CTNNA3: variants seen among roughly 807,000 people sequenced by gnomAD.
The protein encoded by CTNNA3 is catenin alpha-3.
A neutral mutation model predicts 95.7 loss-of-function variants in CTNNA3; 76 were observed. The observed-to-expected ratio is 0.79, with a 90% CI of 0.66 to 0.96. The LOEUF (loss-of-function observed/expected upper bound fraction) is 0.96, where lower values mean the gene tolerates loss of function less well. Among genes scored for constraint, CTNNA3 ranks in the 40% least tolerant of loss-of-function variants. CTNNA3 has a pLI of 0.00. For missense variants in CTNNA3, 1,191 were observed against 1,089.8 expected (o/e 1.09, Z -1.31); for synonymous variants, 431 against 374.4 (o/e 1.15, Z -1.74).
chr10:66,025,191 G>A (rs1194246931), intron 15 of CTNNA3, among the ~76,000 whole-genome samples: 1 of 152,208 alleles, frequency 6.6e-6, no homozygotes, highest in Non-Finnish European at 1.5e-5. Flanking sequence ...AGAGTGAACT[G>A]GAGAAGCTCT....
At chr10:66,571,403 T>TAAA (rs1249299324) in intron 10 of CTNNA3, among the ~76,000 whole-genome samples, 1 of 152,186 alleles carries the variant, frequency 6.6e-6, no homozygotes, top group Non-Finnish European at 1.5e-5. Context: ...TTTCACTTGG[T>TAAA]CTACATAATA....
Position 65,988,834 on chromosome 10 carries a change from A to C in CTNNA3, c.2160-37T>G, listed in dbSNP as rs764408326. ...TTTATATATGTTAGCTGTGGTGTTC[A>C]TGAGAAAATATATGTTAGCTACGAT... is the stretch of plus-strand genomic sequence containing the variant. On this transcript the variant is annotated intron_variant, in intron 15 of 17. Transcript: ENST00000433211. The C allele has an allele frequency of 6.3e-6, 9 of 1,431,938 alleles. 1 individual carries two copies. The highest frequency in any genetic ancestry group is 1.8e-4 in the Middle Eastern group (1 of 5,674). 88.7% of individuals were successfully genotyped at this position (1,431,938 alleles called of 1,614,324 possible). A position where few individuals can be genotyped will look rare whatever the true frequency, so the allele number is the denominator to read the frequency against.
intron 15 of CTNNA3, among the ~76,000 whole-genome samples, chr10:66,041,116 G>T (rs1300969617): frequency 1.3e-5 from 2 of 152,104 alleles, no homozygotes; most frequent in Admixed American, 6.6e-5. Flanking sequence ...AGGCTGAGAA[G>T]GTTATATCAC....
chr10:67,503,261 C>A (rs1051593499), intron 5 of CTNNA3, among the ~76,000 whole-genome samples: 1 of 152,160 alleles, frequency 6.6e-6, no homozygotes, highest in Non-Finnish European at 1.5e-5. Flanking sequence ...TGAAGCAATG[C>A]CCCACCCTGC....
chr10:67,573,029 C>T (rs188389036), intron 3 of CTNNA3, among the ~76,000 whole-genome samples: 31 of 152,258 alleles, frequency 2.0e-4, no homozygotes, highest in African/African-American at 7.0e-4. Flanking sequence ...GTTGAGGCTG[C>T]AGTGAGCCGT....
intron 11 of CTNNA3, among the ~76,000 whole-genome samples, chr10:66,457,053 C>G (rs2093499389): frequency 6.6e-6 from 1 of 151,988 alleles, no homozygotes; most frequent in Admixed American, 6.6e-5. Flanking sequence ...TTGATTGTAC[C>G]ACCCCACTCC....
intron 17 of CTNNA3, among the ~76,000 whole-genome samples, chr10:65,955,723 T>A (rs534727052): frequency 2.3e-4 from 35 of 152,308 alleles, no homozygotes; most frequent in African/African-American, 8.2e-4. Context: ...CAGCGTTTCA[T>A]CCCAGGGATG....
In CTNNA3 at chr10:66,862,226, A is replaced by G. The variant is rs189154374; in HGVS notation, c.1048-86702T>C. Among the ~76,000 whole-genome samples the G allele has an allele frequency of 2.1e-3, 324 of 152,256 alleles. 1 individual carries two copies. The highest frequency in any genetic ancestry group is 7.6e-3 in the African/African-American group (316 of 41,544). On this transcript the variant is annotated intron_variant, in intron 7 of 17. Coordinates refer to ENST00000433211, the MANE Select transcript of CTNNA3 (RefSeq NM_013266.4). Reference sequence around the variant, plus strand: ...GAGACACTGTCTCAAAAAGAAAAAAACAAAAAGAAGTTTGGTGATGTTTTT... The same window carrying G: ...GAGACACTGTCTCAAAAAGAAAAAAGCAAAAAGAAGTTTGGTGATGTTTTT...
intron 7 of CTNNA3, among the ~76,000 whole-genome samples, chr10:67,037,742 A>T (rs1016204481): frequency 6.6e-6 from 1 of 152,190 alleles, no homozygotes; most frequent in African/African-American, 2.4e-5. Context: ...TGAGAGGAGG[A>T]GGAATCAAGA....
At chr10:66,129,751 C>T (rs1049810311) in intron 13 of CTNNA3, among the ~76,000 whole-genome samples, 1 of 152,010 alleles carries the variant, frequency 6.6e-6, no homozygotes, top group African/African-American at 2.4e-5. Context: ...CAGAGTGGCC[C>T]CCAAGACACA....
At chr10:67,532,514 T>C (rs933828831) in intron 4 of CTNNA3, among the ~76,000 whole-genome samples, 3 of 152,246 alleles carry the variant, frequency 2.0e-5, no homozygotes, top group East Asian at 1.9e-4. Context: ...ACCCATTTCC[T>C]GTAAGACACT....
chr10:67,296,976 G>T (rs1840064827), intron 5 of CTNNA3, among the ~76,000 whole-genome samples: 1 of 142,722 alleles, frequency 7.0e-6, no homozygotes, highest in Admixed American at 6.9e-5. Flanking sequence ...TTCAGTGCTG[G>T]TCCCTGATCC....
chr10:67,273,279 C>T (rs1839058847), intron 5 of CTNNA3, among the ~76,000 whole-genome samples: 2 of 152,050 alleles, frequency 1.3e-5, no homozygotes, highest in African/African-American at 4.8e-5. Context: ...AATAATAAGA[C>T]AAACAACCCA....
chr10:66,829,854 T>TTTGTTGTTGTTG (rs59424993), intron 7 of CTNNA3, among the ~76,000 whole-genome samples: 55,097 of 148,068 alleles, frequency 0.37, 10,480 homozygotes, highest in Admixed American at 0.49. Context: ...CCCCAGGGGA[T>TTTGTTGTTGTTG]TTGTTGTTGT....
chr10:67,239,671 C>A (rs1011694512), intron 5 of CTNNA3, among the ~76,000 whole-genome samples: 1 of 151,986 alleles, frequency 6.6e-6, no homozygotes, highest in Non-Finnish European at 1.5e-5. Flanking sequence ...CACATAAAAT[C>A]AAGGAAATGA....
chr10:66,926,803 T>A, intron 7 of CTNNA3: 1 of 976,020 alleles, frequency 1.0e-6, no homozygotes. Context: ...TAATATGTGA[T>A]GTTAAGTGTT....
At chr10:66,704,664 G>C (rs1383279538) in intron 9 of CTNNA3, among the ~76,000 whole-genome samples, 2 of 152,042 alleles carry the variant, frequency 1.3e-5, no homozygotes, top group African/African-American at 4.8e-5. Flanking sequence ...AATAAACTGT[G>C]TGCTCAGAGC....
At chr10:66,477,733 C>T (rs1371580108) in intron 11 of CTNNA3, among the ~76,000 whole-genome samples, 1 of 151,980 alleles carries the variant, frequency 6.6e-6, no homozygotes, top group Non-Finnish European at 1.5e-5. Context: ...TAACTTCACA[C>T]ATCAGGAGGC....
intron 9 of CTNNA3, among the ~76,000 whole-genome samples, chr10:66,627,640 C>A (rs1844985040): frequency 6.6e-6 from 1 of 152,020 alleles, no homozygotes; most frequent in Non-Finnish European, 1.5e-5. Context: ...ATAATTATTT[C>A]TGTGAAAGGC....
Sources: gnomAD v4.1 joint callset for allele counts (sites outside exome capture counted in the v4.1 genomes callset) on GRCh38, gnomAD v4.1.1 for gene constraint, MANE v1.5 for transcripts, NCBI Gene and HGNC (gene_info 2026-07-23, HGNC 2026-07-21) for gene names.